The following TULP4 variants were observed in gnomAD, a reference collection of about 807,000 sequenced individuals.
The protein encoded by TULP4 is TUB like protein 4.
A neutral mutation model predicts 129.0 loss-of-function variants in TULP4; 16 were observed. The ratio of observed to expected loss-of-function variants is 0.12; its 90% CI spans 0.08 to 0.19. TULP4 has a LOEUF of 0.19. TULP4 is among the 10% of genes least tolerant of loss of function. The pLI is 1.00. For synonymous variants in TULP4, 998 were observed against 854.0 expected, an observed-to-expected ratio of 1.17 and a Z score of -2.94; for missense variants, 1,842 against 2,059.1, an observed-to-expected ratio of 0.89 and a Z score of 2.04.
intron 5 of TULP4, among the ~76,000 whole-genome samples, chr6:158,459,509 C>T (rs1447812795): frequency 1.3e-5 from 2 of 151,966 alleles, no homozygotes; most frequent in Non-Finnish European, 2.9e-5. Flanking sequence ...TAGCCCATCT[C>T]GTAGACAGAG....
intron 1 of TULP4, among the ~76,000 whole-genome samples, chr6:158,409,298 T>G (rs1008279090): frequency 6.6e-6 from 1 of 152,186 alleles, no homozygotes; most frequent in African/African-American, 2.4e-5. Context: ...AGAACATGTC[T>G]TATATTGGAG....
chr6:158,401,200 A>G (rs1398316239), intron 1 of TULP4, among the ~76,000 whole-genome samples: 1 of 151,986 alleles, frequency 6.6e-6, no homozygotes, highest in African/African-American at 2.4e-5. Context: ...CAGCCTCCCA[A>G]GTAGCTGGGA....
At chr6:158,419,429 A>G (rs1165506032) in intron 2 of TULP4, among the ~76,000 whole-genome samples, 2 of 152,228 alleles carry the variant, frequency 1.3e-5, no homozygotes, top group African/African-American at 2.4e-5. Flanking sequence ...AAGAAACACA[A>G]TGTAGGACAA....
intron 1 of TULP4, among the ~76,000 whole-genome samples, chr6:158,301,357 A>C (rs9364934): frequency 7.1e-4 from 108 of 151,954 alleles, no homozygotes; most frequent in African/African-American, 2.5e-3. Flanking sequence ...TTGGTCAATC[A>C]AGTGACCACC....
intron 1 of TULP4, among the ~76,000 whole-genome samples, chr6:158,255,355 CT>C (rs1778225174): frequency 6.6e-6 from 1 of 152,126 alleles, no homozygotes; most frequent in African/African-American, 2.4e-5. Context: ...CTCTTGTCTC[CT>C]GTGTGACTCT....
chr6:158,375,961 G>A (rs926060085), intron 1 of TULP4, among the ~76,000 whole-genome samples: 8 of 152,184 alleles, frequency 5.3e-5, no homozygotes, highest in South Asian at 4.1e-4. Flanking sequence ...TACGACCTGC[G>A]GGATGGCTCT....
chr6:158,349,182 C>G (rs1360618135), intron 1 of TULP4, among the ~76,000 whole-genome samples: 8 of 124,518 alleles, frequency 6.4e-5, no homozygotes, highest in African/African-American at 9.2e-5. Flanking sequence ...GGCGGCTGCC[C>G]GGCAGAGGCG....
chr6:158,293,846 A>T (rs1445070051), intron 1 of TULP4, among the ~76,000 whole-genome samples: 1 of 152,218 alleles, frequency 6.6e-6, no homozygotes, highest in Non-Finnish European at 1.5e-5. Context: ...CTTTGCAGGG[A>T]TGTTAGTTTC....
chr6:158,341,056 C>T (rs1780169964), intron 1 of TULP4, among the ~76,000 whole-genome samples: 1 of 152,078 alleles, frequency 6.6e-6, no homozygotes, highest in Non-Finnish European at 1.5e-5. Context: ...TTTTTATGCC[C>T]ATTAGCCATG....
In TULP4 at chr6:158,504,172, G is replaced by C; in HGVS notation, c.4509G>C (p.Gly1503=). 1.3e-6 allele frequency: 2 copies of C among 1,585,252 alleles called. No homozygotes were observed. Among genetic ancestry groups the C allele is most frequent in the Non-Finnish European group, 1.7e-6 (2 of 1,164,036 alleles). The part of the protein sequence containing the change: ...SAKNFQIELE[G]RQVMQFGRID... ...AGAACTTCCAGATTGAGTTAGAGGG[G>C]CGGCAGGTAAGACCTCAGACCAGGT... The change falls in exon 13 of 14, where the codon GGG becomes GGC. Residue 1503 remains glycine (G), a synonymous_variant. Transcript: ENST00000367097.
chr6:158,414,452 T>C (rs1308559059), intron 2 of TULP4, among the ~76,000 whole-genome samples: 1 of 93,454 alleles, frequency 1.1e-5, no homozygotes, highest in Non-Finnish European at 3.2e-5. Flanking sequence ...AGACTGTATA[T>C]GAAAAGTGCC....
chr6:158,465,574 T>G (rs1024460765), intron 6 of TULP4, among the ~76,000 whole-genome samples: 4 of 152,220 alleles, frequency 2.6e-5, no homozygotes, highest in African/African-American at 9.7e-5. Flanking sequence ...ACTGCCGTAC[T>G]GTTTTTTCAT....
chr6:158,315,374 CA>C (rs1779464155), intron 1 of TULP4, among the ~76,000 whole-genome samples: 1 of 152,112 alleles, frequency 6.6e-6, no homozygotes, highest in Admixed American at 6.5e-5. Context: ...GCTCCATTCT[CA>C]TGACTTAATC....
At chr6:158,381,160 G>T (rs1198654) in intron 1 of TULP4, among the ~76,000 whole-genome samples, 107,873 of 148,442 alleles carry the variant, frequency 0.73, 39,726 homozygotes, top group African/African-American at 0.79. Flanking sequence ...CTTTATGGTT[G>T]TTTTTTTTTT....
intron 1 of TULP4, among the ~76,000 whole-genome samples, chr6:158,342,729 T>G (rs962560781): frequency 1.1e-4 from 16 of 152,204 alleles, no homozygotes; most frequent in African/African-American, 3.9e-4. Context: ...CTTGAATCAG[T>G]TGTTAGTTCT....
chr6:158,383,052 C>A (rs761142834), intron 1 of TULP4, among the ~76,000 whole-genome samples: 3 of 152,220 alleles, frequency 2.0e-5, no homozygotes, highest in Non-Finnish European at 2.9e-5. Flanking sequence ...TCATAAGAAG[C>A]ATTTGCTGGA....
At chr6:158,344,781 G>A (rs925473314) in intron 1 of TULP4, among the ~76,000 whole-genome samples, 27 of 152,168 alleles carry the variant, frequency 1.8e-4, no homozygotes, top group African/African-American at 6.3e-4. Flanking sequence ...AAGAATCACA[G>A]GTCTCTGACT....
Position 158,413,278 on chromosome 6 carries a change from C to G in TULP4, c.381+85C>G. On this transcript the variant is annotated intron_variant, in intron 2 of 13. Transcript: ENST00000367097. This position sits in a 1 kb window ranked among gnomAD's most constrained non-coding sequence, Gnocchi z 4.9. The stretch of plus-strand genomic sequence containing the variant: ...GCATTCCGGAGCCAGTGCGTTAGCA[C>G]CACACAGCGCCACGTGCTCCAGAGC... 1.4e-6 allele frequency: 2 copies of G among 1,432,218 alleles called. No individual in the cohort carries two copies. Among genetic ancestry groups the G allele is most frequent in the Non-Finnish European group, 1.9e-6 (2 of 1,070,308 alleles). The allele number at this position is 1,432,218 out of a possible 1,614,324, so 88.7% of individuals were successfully genotyped here. A position where few individuals can be genotyped will look rare whatever the true frequency, so the allele number is the denominator to read the frequency against.
At chr6:158,261,057 G>T (rs578097499) in intron 1 of TULP4, among the ~76,000 whole-genome samples, 11 of 152,118 alleles carry the variant, frequency 7.2e-5, no homozygotes, top group African/African-American at 2.7e-4. Context: ...GACCTCAGGT[G>T]ATCCGCCCGC....
Sources: allele counts gnomAD v4.1 joint callset (sites outside exome capture counted in the v4.1 genomes callset), GRCh38; gene constraint gnomAD v4.1.1; non-coding constraint Gnocchi (gnomAD v3.1); transcripts MANE v1.5; gene names NCBI Gene and HGNC (gene_info 2026-07-23, HGNC 2026-07-21).